The following JMJD1C variants were observed in gnomAD, a reference collection of about 807,000 sequenced individuals.
The protein encoded by JMJD1C is jumonji domain-containing protein 1C.
In JMJD1C, 31 loss-of-function variants were observed where a neutral mutation model predicts 245.3. The ratio of observed to expected loss-of-function variants is 0.13; its 90% CI spans 0.09 to 0.17. The LOEUF is 0.17. JMJD1C is among the 10% of genes least tolerant of loss of function. JMJD1C has a pLI of 1.00. For synonymous variants in JMJD1C, 1,057 were observed against 1,017.4 expected (o/e 1.04, Z -0.74); for missense variants, 2,691 against 3,000.2 (o/e 0.90, Z 2.41).
rs187889915 is a variant in JMJD1C at position 63,311,649 on chromosome 10, T to G, written c.334-46885A>C. 1.0e-3 allele frequency among the ~76,000 whole-genome samples: 157 copies of G among 152,250 alleles called. 1 individual carries two copies. The highest frequency in any genetic ancestry group is 3.7e-3 in the African/African-American group (152 of 41,554). The stretch of plus-strand genomic sequence containing the variant: ...TAAATCATTCTGAAAAAAATACAAT[T>G]TATACAGTATGTCAGGTTCAGAAAC... On this transcript the variant is annotated intron_variant, in intron 2 of 25. Coordinates refer to ENST00000399262, the MANE Select transcript of JMJD1C (RefSeq NM_032776.3).
intron 1 of JMJD1C, among the ~76,000 whole-genome samples, chr10:63,453,650 A>G (rs1952212379): frequency 6.6e-6 from 1 of 152,274 alleles, no homozygotes; most frequent in Admixed American, 6.5e-5. Context: ...TCTGTCAAGC[A>G]AAGCCATACA....
At chr10:63,475,058 T>C (rs1348434489) in intron 1 of JMJD1C, among the ~76,000 whole-genome samples, 1 of 152,162 alleles carries the variant, frequency 6.6e-6, no homozygotes, top group Non-Finnish European at 1.5e-5. Context: ...TAAGCGAGTA[T>C]AAAATGTAAA....
intron 2 of JMJD1C, among the ~76,000 whole-genome samples, chr10:63,376,290 A>C (rs1946736499): frequency 6.6e-6 from 1 of 152,204 alleles, no homozygotes; most frequent in Admixed American, 6.5e-5. Flanking sequence ...CAATTAATTC[A>C]CCAAAATTTG....
At chr10:63,188,081 G>A (rs56248546) in intron 18 of JMJD1C, among the ~76,000 whole-genome samples, 2,001 of 152,204 alleles carry the variant, frequency 0.013, 30 homozygotes, top group African/African-American at 0.034. Context: ...AACCTCTAAG[G>A]AATCAATTTA....
At chr10:63,469,858 A>C (rs1379574897), upstream of JMJD1C, among the ~76,000 whole-genome samples, 1 of 152,168 alleles carries the variant, frequency 6.6e-6, no homozygotes, top group Non-Finnish European at 1.5e-5. Context: ...TGAATTATGC[A>C]AGTGGAAGAC....
chr10:63,485,619 G>T (rs1311421631), intron 1 of JMJD1C, among the ~76,000 whole-genome samples: 1 of 152,102 alleles, frequency 6.6e-6, no homozygotes, highest in Non-Finnish European at 1.5e-5. Context: ...TGAGTTAGGA[G>T]AACTCATATT....
intron 3 of JMJD1C, chr10:63,222,507 A>T (rs577685599): frequency 5.0e-6 from 6 of 1,204,158 alleles, no homozygotes; most frequent in Non-Finnish European, 7.4e-6. Context: ...CTTGATTTTG[A>T]CTGACTGCAC....
Position 63,214,017 on chromosome 10 carries a change from G to A in JMJD1C, c.2150C>T (p.Pro717Leu), listed in dbSNP as rs1847671786. The change falls in exon 8 of 26, where the codon CCT (proline) becomes CTT (leucine). Residue 717 changes from proline (P) to leucine (L), a missense_variant. Physicochemically the swap from Pro to Leu is moderately conservative, Grantham distance 98. Around this residue, in one of 9 missense-constraint regions of JMJD1C, gnomAD observed 1,562 missense variants for 1,490.7 expected, o/e 1.05. Transcript: ENST00000399262. Reference protein sequence around the residue: ...KNEHFTVYRDPALIGSETGAN... With the variant: ...KNEHFTVYRDLALIGSETGAN... The stretch of plus-strand genomic sequence containing the variant: ...TCCTGTTTCTGACCCAATAAGTGCA[G>A]GATCTCTGTAAACTGTAAAATGCTC... 6.2e-7 allele frequency: 1 copy of A among 1,614,036 alleles called. No homozygotes were observed. Among genetic ancestry groups the A allele is most frequent in the African/African-American group, 1.3e-5 (1 of 74,902 alleles).
intron 2 of JMJD1C, among the ~76,000 whole-genome samples, chr10:63,320,080 A>G (rs953879852): frequency 1.3e-5 from 2 of 152,056 alleles, no homozygotes; most frequent in South Asian, 2.1e-4. Flanking sequence ...TAATTGTTAT[A>G]TTTTTAGTAG....
intron 1 of JMJD1C, among the ~76,000 whole-genome samples, chr10:63,515,288 C>A (rs1206228773): frequency 6.6e-6 from 1 of 152,160 alleles, no homozygotes; most frequent in Non-Finnish European, 1.5e-5. Flanking sequence ...GAAATAATTT[C>A]TCCTGAGGGC....
chr10:63,295,716 G>T (rs188207906), intron 2 of JMJD1C, among the ~76,000 whole-genome samples: 2 of 151,908 alleles, frequency 1.3e-5, no homozygotes, highest in African/African-American at 4.8e-5. Flanking sequence ...GTTATGCATG[G>T]TAGTTACGCT....
intron 2 of JMJD1C, among the ~76,000 whole-genome samples, chr10:63,351,527 T>TG (rs1212318301): frequency 6.6e-6 from 1 of 152,240 alleles, no homozygotes; most frequent in Non-Finnish European, 1.5e-5. Flanking sequence ...CTGGGTCGTA[T>TG]GAAAAAAGCT....
chr10:63,379,826 C>T (rs1027501100), intron 2 of JMJD1C, among the ~76,000 whole-genome samples: 5 of 152,120 alleles, frequency 3.3e-5, no homozygotes, highest in Admixed American at 3.3e-4. Flanking sequence ...AAAATGAAGG[C>T]AGTGTTTTAA....
At chr10:63,200,790 A>G in intron 10 of JMJD1C, 113 bp from the exon 11 acceptor site, 5 of 860,462 alleles carry the variant, frequency 5.8e-6, no homozygotes, top group Non-Finnish European at 9.1e-6. Flanking sequence ...AGACTTTAGT[A>G]AAGAAGCAAA....
rs769904055 is a variant in JMJD1C at position 63,213,743 on chromosome 10, T to C, written c.2424A>G (p.Leu808=). ...TVLPGVPTAS[L]LGGHPRLESA... ...TCTCTAGTCGTGGGTGGCCACCAAG[T>C]AAGGAGGCAGTAGGCACTCCAGGTA... Residue 808 remains leucine, a synonymous_variant, in exon 8 of 26, where the codon TTA becomes TTG. Coordinates refer to ENST00000399262, the MANE Select transcript of JMJD1C (RefSeq NM_032776.3). 6.2e-7 allele frequency: 1 copy of C among 1,614,050 alleles called. No homozygotes were observed. The highest frequency in any genetic ancestry group is 8.5e-7 in the Non-Finnish European group (1 of 1,179,974).
intron 2 of JMJD1C, among the ~76,000 whole-genome samples, chr10:63,295,553 GTCTC>G (rs1365050550): frequency 1.3e-5 from 2 of 152,082 alleles, no homozygotes; most frequent in Admixed American, 1.3e-4. Context: ...CAAGAAAGGG[GTCTC>G]TCTCAAGAAG....
chr10:63,462,284 A>G (rs541380907), intron 1 of JMJD1C, among the ~76,000 whole-genome samples: 2 of 152,328 alleles, frequency 1.3e-5, no homozygotes, highest in East Asian at 3.9e-4. Context: ...TGAAAACTCT[A>G]TTAATTAAAC....
chr10:63,429,194 G>A (rs185898201), intron 1 of JMJD1C, among the ~76,000 whole-genome samples: 121 of 152,166 alleles, frequency 8.0e-4, no homozygotes, highest in African/African-American at 2.8e-3. Flanking sequence ...TGGCAGGCTG[G>A]TCTCAAACTC....
intron 2 of JMJD1C, among the ~76,000 whole-genome samples, chr10:63,335,484 G>A (rs1942629389): frequency 1.3e-5 from 2 of 152,140 alleles, no homozygotes; most frequent in South Asian, 4.1e-4. Context: ...CATTTTCACT[G>A]CAATGTGCAA....
Sources: gnomAD v4.1 joint callset for allele counts (sites outside exome capture counted in the v4.1 genomes callset) on GRCh38, gnomAD v4.1.1 for gene constraint, gnomAD v4.1.1 regional missense constraint, MANE v1.5 for transcripts, NCBI Gene and HGNC (gene_info 2026-07-23, HGNC 2026-07-21) for gene names.